GALNT13: variants seen among roughly 807,000 people sequenced by gnomAD.
GALNT13 encodes the protein UDP-GalNAc:polypeptide N-acetylgalactosaminyltransferase 13.
A neutral mutation model predicts 64.2 loss-of-function variants in GALNT13; 28 were observed. The observed-to-expected ratio is 0.44, with a 90% CI of 0.32 to 0.60. The LOEUF (loss-of-function observed/expected upper bound fraction) is 0.60, where lower values mean the gene tolerates loss of function less well. GALNT13 is among the 20% of genes least tolerant of loss of function. The probability of loss-of-function intolerance (pLI) is 0.05; values close to 1 mark genes in which losing one functional copy is unlikely to be tolerated. For synonymous variants in GALNT13, 214 were observed against 224.6 expected, an observed-to-expected ratio of 0.95 and a Z score of 0.42; for missense variants, 577 against 669.8, an observed-to-expected ratio of 0.86 and a Z score of 1.53.
chr2:153,572,034 T>A, the GALNT13 span, among the ~76,000 whole-genome samples: 1 of 151,868 alleles, frequency 6.6e-6, no homozygotes, highest in Admixed American at 6.6e-5. Flanking sequence ...TTAGTTCTCT[T>A]TAAGATTTTG....
At chr2:153,845,667 A>C in the GALNT13 span, among the ~76,000 whole-genome samples, 2 of 152,232 alleles carry the variant, frequency 1.3e-5, no homozygotes, top group Non-Finnish European at 2.9e-5. Flanking sequence ...GGTTCCCAGA[A>C]GGAGAGGAAA....
chr2:154,378,957 CTG>C lies in GALNT13; in HGVS notation c.1157-17031_1157-17030del, dbSNP rs1418863133. The stretch of plus-strand genomic sequence containing the variant: ...CTCTCTTCATTTAAAATTTGATAAA[CTG>C]TGACTTTAAAATGTTTCAGGCCCAG... On this transcript the variant is annotated intron_variant, in intron 9 of 12. Coordinates refer to ENST00000392825, the MANE Select transcript of GALNT13 (RefSeq NM_052917.4). 2.0e-5 allele frequency among the ~76,000 whole-genome samples: 3 copies of C among 152,084 alleles called. No homozygotes were observed. In the East Asian group the frequency reaches 5.8e-4, roughly 29 times the overall value.
intron 3 of GALNT13, among the ~76,000 whole-genome samples, chr2:153,978,900 C>T (rs1351848098): frequency 6.6e-6 from 1 of 152,018 alleles, no homozygotes; most frequent in African/African-American, 2.4e-5. Flanking sequence ...TGCACCACTG[C>T]ACTCCAGCCT....
chr2:153,809,990 T>A, the GALNT13 span, among the ~76,000 whole-genome samples: 3 of 152,204 alleles, frequency 2.0e-5, no homozygotes, highest in East Asian at 5.8e-4. Context: ...TGAGACAGAG[T>A]TGCTCTGTCA....
At chr2:153,815,174 A>G in the GALNT13 span, among the ~76,000 whole-genome samples, 1 of 152,168 alleles carries the variant, frequency 6.6e-6, no homozygotes, top group Admixed American at 6.5e-5. Context: ...TTTGGCTGAT[A>G]TATATCTTAA....
the GALNT13 span, among the ~76,000 whole-genome samples, chr2:153,106,325 G>C: frequency 1.3e-5 from 2 of 152,024 alleles, no homozygotes; most frequent in African/African-American, 4.8e-5. Context: ...TGTGTTCAGG[G>C]GGATTGTGGC....
chr2:153,504,348 C>T, the GALNT13 span, among the ~76,000 whole-genome samples: 3 of 152,190 alleles, frequency 2.0e-5, no homozygotes, highest in Non-Finnish European at 4.4e-5. Flanking sequence ...GTTTGACTTT[C>T]TCTTTACCAA....
intron 3 of GALNT13, among the ~76,000 whole-genome samples, chr2:154,023,056 A>G (rs1002798793): frequency 5.9e-5 from 9 of 152,206 alleles, no homozygotes; most frequent in Admixed American, 2.0e-4. Context: ...CTGTGGTCTG[A>G]GAGACTGTTA....
At chr2:154,190,002 TA>T (rs1460729407) in intron 4 of GALNT13, among the ~76,000 whole-genome samples, 3 of 152,202 alleles carry the variant, frequency 2.0e-5, no homozygotes, top group African/African-American at 7.2e-5. Flanking sequence ...TTTTTAAAGC[TA>T]AAATGTCAGG....
the GALNT13 span, among the ~76,000 whole-genome samples, chr2:153,463,339 G>A: frequency 6.6e-6 from 1 of 152,030 alleles, no homozygotes; most frequent in African/African-American, 2.4e-5. Context: ...GACAAAAATA[G>A]CACTTAAGTC....
chr2:154,328,222 T>G (rs947205685), intron 9 of GALNT13, among the ~76,000 whole-genome samples: 1 of 152,132 alleles, frequency 6.6e-6, no homozygotes, highest in Non-Finnish European at 1.5e-5. Context: ...ATCTTGAAGA[T>G]TGTAATAAAC....
chr2:153,540,035 A>G, the GALNT13 span, among the ~76,000 whole-genome samples: 1 of 152,242 alleles, frequency 6.6e-6, no homozygotes, highest in Non-Finnish European at 1.5e-5. Flanking sequence ...GTTAATTGCC[A>G]AGACAATGTG....
At chr2:153,285,553 CACG>C in the GALNT13 span, among the ~76,000 whole-genome samples, 1 of 152,088 alleles carries the variant, frequency 6.6e-6, no homozygotes, top group Non-Finnish European at 1.5e-5. Flanking sequence ...ATAATATTTA[CACG>C]ACAATATGTA....
At chr2:154,077,299 T>G (rs924707144) in intron 3 of GALNT13, among the ~76,000 whole-genome samples, 2 of 151,564 alleles carry the variant, frequency 1.3e-5, no homozygotes, top group Non-Finnish European at 3.0e-5. Context: ...ACTCATTAAT[T>G]GCCTGGGAAG....
At chr2:154,004,206 A>AT (rs11448535) in intron 3 of GALNT13, among the ~76,000 whole-genome samples, 27,632 of 143,744 alleles carry the variant, frequency 0.19, 4,617 homozygotes, top group East Asian at 0.75. Flanking sequence ...ATTTCCTTTA[A>AT]TTTTTTTTTG....
At chr2:153,943,788 C>T (rs561832614) in intron 2 of GALNT13, among the ~76,000 whole-genome samples, 1 of 152,320 alleles carries the variant, frequency 6.6e-6, no homozygotes, top group East Asian at 1.9e-4. Context: ...AGCCGCCGTG[C>T]CCAGCTCTGT....
the GALNT13 span, among the ~76,000 whole-genome samples, chr2:153,402,974 A>T: frequency 1.3e-5 from 2 of 152,032 alleles, no homozygotes; most frequent in African/African-American, 4.8e-5. Flanking sequence ...CTGGTGAGGA[A>T]CTGCGTTCCT....
chr2:154,089,548 G>A (rs1701698804), intron 3 of GALNT13, among the ~76,000 whole-genome samples: 1 of 152,032 alleles, frequency 6.6e-6, no homozygotes, highest in Admixed American at 6.6e-5. Context: ...ATTTGGGAAT[G>A]GGGGCTGAGA....
chr2:153,694,246 A>C, the GALNT13 span, among the ~76,000 whole-genome samples: 1 of 152,096 alleles, frequency 6.6e-6, no homozygotes, highest in Non-Finnish European at 1.5e-5. Context: ...CTGAGAGTTT[A>C]TTTTTCTTTC....
Sources: gnomAD v4.1 joint callset for allele counts (sites outside exome capture counted in the v4.1 genomes callset) on GRCh38, gnomAD v4.1.1 for gene constraint, MANE v1.5 for transcripts, NCBI Gene and HGNC (gene_info 2026-07-23, HGNC 2026-07-21) for gene names.